The following HGD variants were observed in gnomAD, a reference collection of about 807,000 sequenced individuals.
HGD encodes homogentisate oxidase.
HGD carries 61 observed loss-of-function variants against 60.8 expected under a neutral mutation model. The ratio of observed to expected loss-of-function variants is 1.00; its 90% CI spans 0.82 to 1.24. The LOEUF (loss-of-function observed/expected upper bound fraction) is 1.24. HGD is among the 50% of genes most tolerant of loss of function. The pLI is 0.00. For missense variants in HGD, 542 were observed against 547.1 expected, an observed-to-expected ratio of 0.99 and a Z score of 0.09; for synonymous variants, 212 against 187.7, an observed-to-expected ratio of 1.13 and a Z score of -1.06.
At chr3:120,654,929 G>T (rs1214814043) in intron 4 of HGD, among the ~76,000 whole-genome samples, 3 of 152,050 alleles carry the variant, frequency 2.0e-5, no homozygotes, top group Non-Finnish European at 4.4e-5. Flanking sequence ...AAATTAGCTG[G>T]GTGTGGTGGC....
chr3:120,672,475 T>G (rs1708044290), intron 3 of HGD, among the ~76,000 whole-genome samples: 1 of 152,182 alleles, frequency 6.6e-6, no homozygotes, highest in Non-Finnish European at 1.5e-5. Context: ...TCTGGCCCTT[T>G]CAAGACCAAG....
At position 120,670,473 on chromosome 3, in the gene HGD, C is replaced by A. The variant is rs1302303194; in HGVS notation, c.236G>T (p.Gly79Val). Reference sequence around the variant, plus strand: ...TTCATCCCAGTTGTGAGTGACTTGGCCTTCGTCAATGGATTCAAAGGGCTT... The same window carrying A: ...TTCATCCCAGTTGTGAGTGACTTGGACTTCGTCAATGGATTCAAAGGGCTT... ...SHKPFESIDE[G>V]QVTHNWDEVD... is the part of the protein sequence containing the mutation. Residue 79 changes from glycine to valine, a missense_variant, in exon 4 of 14, where the codon GGC (glycine) becomes GTC (valine). By Grantham distance (109) the Gly-to-Val change is moderately radical (BLOSUM62 -3). This residue lies in a region of HGD where 537 missense variants were observed against 529.1 expected (regional missense o/e 1.01). Transcript: ENST00000283871. The A allele has an allele frequency of 6.2e-7, 1 of 1,611,110 alleles. No individual in the cohort carries two copies. Among genetic ancestry groups the A allele is most frequent in the Non-Finnish European group, 8.5e-7 (1 of 1,177,456 alleles).
intron 6 of HGD, among the ~76,000 whole-genome samples, chr3:120,650,519 C>A (rs1941305456): frequency 6.6e-6 from 1 of 152,210 alleles, no homozygotes; most frequent in South Asian, 2.1e-4. Flanking sequence ...AGGGCTCCAT[C>A]CTCCCTTTTC....
intron 7 of HGD, among the ~76,000 whole-genome samples, chr3:120,647,627 G>T (rs1941206055): frequency 6.6e-6 from 1 of 152,114 alleles, no homozygotes; most frequent in South Asian, 2.1e-4. Flanking sequence ...AGCTGCCCAG[G>T]TCTCCCACAT....
At chr3:120,658,923 G>A (rs1337856427) in intron 4 of HGD, among the ~76,000 whole-genome samples, 1 of 152,204 alleles carries the variant, frequency 6.6e-6, no homozygotes, top group Non-Finnish European at 1.5e-5. Flanking sequence ...GAGCAGCTGG[G>A]ATGCAGAAAA....
intron 13 of HGD, among the ~76,000 whole-genome samples, chr3:120,632,005 AC>A (rs1161531988): frequency 1.3e-5 from 2 of 152,150 alleles, no homozygotes; most frequent in Non-Finnish European, 2.9e-5. Flanking sequence ...CCAGGACTGC[AC>A]CTCCAGGAGA....
At chr3:120,632,437 G>A (rs997047975) in intron 13 of HGD, among the ~76,000 whole-genome samples, 1 of 152,238 alleles carries the variant, frequency 6.6e-6, no homozygotes, top group Non-Finnish European at 1.5e-5. Flanking sequence ...CTGCAATTGT[G>A]TTCAGCCTCA....
At chr3:120,681,865 A>G (rs562342294) in intron 1 of HGD, among the ~76,000 whole-genome samples, 11 of 152,336 alleles carry the variant, frequency 7.2e-5, no homozygotes, top group Admixed American at 3.3e-4. Context: ...AATAATTGAA[A>G]TGAACAAAGG....
chr3:120,652,610 C>G lies in HGD; in HGVS notation c.324G>C (p.Lys108Asn). The G allele has an allele frequency of 6.2e-7, 1 of 1,613,216 alleles. No homozygotes were observed. Reference protein sequence around the residue: ...KPFEIPKASQKKVDFVSGLHT... With the variant: ...KPFEIPKASQNKVDFVSGLHT... ...GACTTACACTCACAAAGTCTACTTT[C>G]TTCTGAGATGCTTTTGGAATCTCAA... The change falls in exon 5 of 14, where the codon AAG becomes AAC. Residue 108 changes from lysine (K) to asparagine (N), a missense_variant. Coordinates refer to ENST00000283871, the MANE Select transcript of HGD (RefSeq NM_000187.4).
chr3:120,682,101 A>G lies in HGD; in HGVS notation c.11T>C (p.Leu4Ser), dbSNP rs786204422. The G allele has an allele frequency of 2.5e-6, 4 of 1,614,000 alleles. No homozygotes were observed. Among genetic ancestry groups the G allele is most frequent in the Non-Finnish European group, 3.4e-6 (4 of 1,179,894 alleles). The change falls in exon 1 of 14, where the codon TTA (leucine) becomes TCA (serine). Residue 4 changes from leucine (L) to serine (S), a missense_variant. Leu to Ser is a moderately radical substitution (Grantham distance 145). Transcript: ENST00000283871. MAE[L>S]KYISGFGNEC... Reference sequence around the variant, plus strand: ...ACTTGTCAGATGGTTTCTTACCTTTAACTCAGCCATTTTCTCTCTCCTCTA... The same window carrying G: ...ACTTGTCAGATGGTTTCTTACCTTTGACTCAGCCATTTTCTCTCTCCTCTA...
chr3:120,639,212 C>T (rs151193131), intron 11 of HGD, among the ~76,000 whole-genome samples: 1 of 152,152 alleles, frequency 6.6e-6, no homozygotes, highest in African/African-American at 2.4e-5. Context: ...TCACCCTCCC[C>T]CTTCTAGTAG....
At chr3:120,661,048 C>T (rs898719248) in intron 4 of HGD, among the ~76,000 whole-genome samples, 2 of 152,186 alleles carry the variant, frequency 1.3e-5, no homozygotes, top group African/African-American at 2.4e-5. Context: ...TTATTATCAT[C>T]TCTATTTTAG....
At chr3:120,671,314 T>C (rs1383736914) in intron 3 of HGD, among the ~76,000 whole-genome samples, 2 of 152,152 alleles carry the variant, frequency 1.3e-5, no homozygotes, top group Non-Finnish European at 2.9e-5. Context: ...AGGTGAAAAA[T>C]AGTATCTCAT....
At chr3:120,669,063 G>C (rs1432428246) in intron 4 of HGD, among the ~76,000 whole-genome samples, 4 of 152,094 alleles carry the variant, frequency 2.6e-5, no homozygotes, top group African/African-American at 9.7e-5. Flanking sequence ...ACTATTACTA[G>C]ACCAAAAGGA....
intron 9 of HGD, 78 bp downstream of exon 9, chr3:120,646,189 G>A: frequency 1.1e-6 from 1 of 907,972 alleles, no homozygotes; most frequent in Admixed American, 1.7e-5. Flanking sequence ...AGCGAAGGGA[G>A]AAGGATGTTT....
chr3:120,636,412 C>G (rs1276250280), intron 12 of HGD, among the ~76,000 whole-genome samples: 2 of 152,158 alleles, frequency 1.3e-5, no homozygotes, highest in Non-Finnish European at 2.9e-5. Flanking sequence ...TTTTAATAAA[C>G]CTTCCAGCTG....
chr3:120,644,391 A>G lies in HGD; in HGVS notation c.702T>C (p.Tyr234=), dbSNP rs771518151. 9 of 1,614,002 alleles carry G rather than the reference A, an allele frequency of 5.6e-6. No individual in the cohort carries two copies. The highest frequency in any genetic ancestry group is 1.7e-5 in the Admixed American group (1 of 60,008). Residue 234 remains tyrosine, a synonymous_variant, in exon 10 of 14, where the codon TAT becomes TAC. Coordinates refer to ENST00000283871, the MANE Select transcript of HGD (RefSeq NM_000187.4). ...AACCACCTGGTACTTGGCGATCCTC[A>G]TACCAGGCAATGGGTATCAAGAAAT... is the stretch of plus-strand genomic sequence containing the variant. The part of the protein sequence containing the change: ...PRDFLIPIAW[Y]EDRQVPGGYT...
intron 3 of HGD, among the ~76,000 whole-genome samples, chr3:120,671,538 T>C (rs1708024819): frequency 6.6e-6 from 1 of 152,134 alleles, no homozygotes; most frequent in African/African-American, 2.4e-5. Context: ...ACACTGTTGG[T>C]GGGAATGTAA....
At chr3:120,662,853 T>C (rs1195167390) in intron 4 of HGD, among the ~76,000 whole-genome samples, 3 of 152,214 alleles carry the variant, frequency 2.0e-5, no homozygotes, top group African/African-American at 7.2e-5. Context: ...TATTTCAGAA[T>C]GTGACTATAT....
Sources: allele counts gnomAD v4.1 joint callset (sites outside exome capture counted in the v4.1 genomes callset), GRCh38; gene constraint gnomAD v4.1.1; regional missense constraint gnomAD v4.1.1; transcripts MANE v1.5; gene names NCBI Gene and HGNC (gene_info 2026-07-23, HGNC 2026-07-21).